Variants in NELFA observed in about 807,000 individuals in gnomAD.
The protein encoded by NELFA is negative elongation factor complex member A.
NELFA carries 35 observed loss-of-function variants against 51.8 expected under a neutral mutation model. That is an observed-to-expected ratio of 0.68 (90% CI 0.52 to 0.90). The LOEUF is 0.90. Ranked by LOEUF, NELFA falls within the 40% of genes least tolerant of loss-of-function variation. The probability of loss-of-function intolerance (pLI) is 0.00; values close to 1 mark genes in which losing one functional copy is unlikely to be tolerated. For missense variants in NELFA, 658 were observed against 746.4 expected, an observed-to-expected ratio of 0.88 and a Z score of 1.38; for synonymous variants, 417 against 338.4, an observed-to-expected ratio of 1.23 and a Z score of -2.55.
At chr4:1,990,802 A>T (rs1037155930) in intron 2 of NELFA, among the ~76,000 whole-genome samples, 5 of 152,094 alleles carry the variant, frequency 3.3e-5, no homozygotes, top group Non-Finnish European at 5.9e-5. Context: ...CCATCTACAA[A>T]TAGTTGTTTC....
intron 1 of NELFA, among the ~76,000 whole-genome samples, chr4:2,003,341 C>G (rs987238982): frequency 6.6e-6 from 1 of 152,162 alleles, no homozygotes. Flanking sequence ...GGATCTAACA[C>G]CAGAAATACC....
chr4:1,988,453 G>C (rs554523243), intron 3 of NELFA, among the ~76,000 whole-genome samples: 11 of 152,380 alleles, frequency 7.2e-5, no homozygotes, highest in African/African-American at 2.4e-4. Context: ...GGGACACCGA[G>C]TGCCCAAAGC....
intron 1 of NELFA, among the ~76,000 whole-genome samples, chr4:2,003,142 G>A (rs1400762806): frequency 6.6e-6 from 1 of 152,160 alleles, no homozygotes; most frequent in Non-Finnish European, 1.5e-5. Flanking sequence ...CTACGTCACT[G>A]ATCATCAGAG....
chr4:1,990,354 A>G (rs777398885), intron 2 of NELFA: 11 of 456,802 alleles, frequency 2.4e-5, no homozygotes, highest in Non-Finnish European at 3.5e-5. Context: ...CCCACGGTTC[A>G]GATCCCAGAA....
rs1462080844 is a variant in NELFA at position 1,987,980 on chromosome 4, C to T, written c.572G>A (p.Arg191Gln). The change falls in exon 4 of 11, where the codon CGG becomes CAG. Residue 191 changes from arginine to glutamine, a missense_variant. Transcript: ENST00000382882. Reference protein sequence around the residue: ...KSTETAQQLKRSAGVPFHAKG... With the variant: ...KSTETAQQLKQSAGVPFHAKG... The stretch of plus-strand genomic sequence containing the variant: ...GGCGTGGAAGGGCACCCCGGCGCTC[C>T]GCTTCAACTGCTGGGCGGTCTCCGT... 20 of 1,611,094 alleles carry T rather than the reference C, an allele frequency of 1.2e-5. No individual in the cohort carries two copies. Among genetic ancestry groups the T allele is most frequent in the Non-Finnish European group, 1.6e-5 (19 of 1,179,762 alleles).
At chr4:1,993,363 C>T (rs371152589) in intron 1 of NELFA, among the ~76,000 whole-genome samples, 11 of 152,078 alleles carry the variant, frequency 7.2e-5, no homozygotes, top group African/African-American at 2.2e-4. Context: ...GGGCGGCTCA[C>T]GAGGTCAGGA....
intron 7 of NELFA, among the ~76,000 whole-genome samples, chr4:1,985,142 G>A (rs1318624351): frequency 6.6e-6 from 1 of 152,174 alleles, no homozygotes; most frequent in Non-Finnish European, 1.5e-5. Context: ...TAGGAGAGGG[G>A]AGGGGTTGAG....
At position 1,985,832 on chromosome 4, in the gene NELFA, C is replaced by G. The variant is rs531255374; in HGVS notation, c.868G>C (p.Glu290Gln). 13 of 1,613,372 alleles carry G rather than the reference C, an allele frequency of 8.1e-6. No homozygotes were observed. The South Asian group carries it at 8.8e-5, about 11-fold the overall frequency. ...AEVVEKPAKEETVVENATPDY... is the reference protein window; with the variant it reads ...AEVVEKPAKEQTVVENATPDY... ...GGGGTGGCGTTCTCCACCACCGTTT[C>G]CTCCTTGGCCGGCTTCTCCACCACC... Residue 290 changes from glutamate to glutamine, a missense_variant, in exon 7 of 11, where the codon GAA becomes CAA. By Grantham distance (29) the Glu-to-Gln change is conservative (BLOSUM62 2). This residue lies in a region of NELFA where 371 missense variants were observed against 448.3 expected (regional missense o/e 0.83). Transcript: ENST00000382882.
At position 1,989,611 on chromosome 4, in the gene NELFA, C is replaced by A; in HGVS notation, c.544+97G>T. ...GTGAGCCACCATGCCTGGCCCAGAA[C>A]GCCACCTTGAAGGGGCAGTCTTGGT... On this transcript the variant is annotated intron_variant, in intron 3 of 10. Coordinates refer to ENST00000382882, the MANE Select transcript of NELFA (RefSeq NM_005663.5). The surrounding 1 kb of genome is among the most constrained non-coding windows in gnomAD (Gnocchi z 4.8). 1 of 1,362,018 alleles carries A rather than the reference C, an allele frequency of 7.3e-7. No individual in the cohort carries two copies. Among genetic ancestry groups the A allele is most frequent in the East Asian group, 2.3e-5 (1 of 42,998 alleles). The allele number at this position is 1,362,018 out of a possible 1,614,324, so 84.4% of individuals were successfully genotyped here. A position where few individuals can be genotyped will look rare whatever the true frequency, so the allele number is the denominator to read the frequency against.
chr4:1,986,192 A>G lies in NELFA; in HGVS notation c.766-9T>C, dbSNP rs1226347261. On this transcript the variant is annotated splice_polypyrimidine_tract_variant and intron_variant, in intron 5 of 10. Coordinates refer to ENST00000382882, the MANE Select transcript of NELFA (RefSeq NM_005663.5). ...TCAGAGATGTCCAGCAGCTGCCAAG[A>G]CAAGCACAGCCCTGCCTTAGTGACG... 6.4e-7 allele frequency: 1 copy of G among 1,560,092 alleles called. No individual in the cohort carries two copies. Among genetic ancestry groups the G allele is most frequent in the Non-Finnish European group, 8.7e-7 (1 of 1,151,878 alleles).
Position 1,983,950 on chromosome 4 carries a change from AG to A in NELFA, c.1199del (p.Pro400LeufsTer78). 3 of 1,611,340 alleles carry A rather than the reference AG, an allele frequency of 1.9e-6. No individual in the cohort carries two copies. The highest frequency in any genetic ancestry group is 2.5e-6 in the Non-Finnish European group (3 of 1,179,316). ...TCTGAGTGGTAGGGGCGACAGCCGG[AG>A]GTGTGGTGGGTGTCAGAGGCGAGGT... ...APTSPLTPTT[P>X]PAVAPTTQTP... On this transcript the variant is annotated frameshift_variant, in exon 9 of 11. Coordinates refer to ENST00000382882, the MANE Select transcript of NELFA (RefSeq NM_005663.5). LOFTEE classifies it high-confidence loss of function.
intron 1 of NELFA, among the ~76,000 whole-genome samples, chr4:1,993,499 A>G (rs1357944250): frequency 2.0e-5 from 3 of 151,626 alleles, no homozygotes; most frequent in Non-Finnish European, 4.4e-5. Flanking sequence ...GAATCGCTTG[A>G]ACCCAGGAGG....
At chr4:1,995,080 G>A (rs113072023) in intron 1 of NELFA, among the ~76,000 whole-genome samples, 2,797 of 152,278 alleles carry the variant, frequency 0.018, 47 homozygotes, top group Non-Finnish European at 0.03. Flanking sequence ...TGAGTGAGGC[G>A]AGGGCCCTCC....
chr4:1,989,102 C>A lies in NELFA; in HGVS notation c.544+606G>T, dbSNP rs1368225937. ...CTGGGATTACAGGCATGCACCACCA[C>A]AGCCAGCTAATTTTTGTATTTTTAG... On this transcript the variant is annotated intron_variant, in intron 3 of 10. Transcript: ENST00000382882. The surrounding 1 kb of genome is among the most constrained non-coding windows in gnomAD (Gnocchi z 4.8). Among the ~76,000 whole-genome samples the A allele has an allele frequency of 1.3e-5, 2 of 151,950 alleles. No individual in the cohort carries two copies. Among genetic ancestry groups the A allele is most frequent in the East Asian group, 3.9e-4 (2 of 5,164 alleles).
chr4:1,985,042 G>A lies in NELFA; in HGVS notation c.925-123C>T, dbSNP rs533852922. On this transcript the variant is annotated intron_variant, in intron 7 of 10. Transcript: ENST00000382882. ...GCCCCCCGAGCTAGAGCAGGAAGGC[G>A]GGGGCCACTCTCCCGAGCTCCCTGG... The A allele has an allele frequency of 5.2e-4, 355 of 685,678 alleles. 1 individual carries two copies. The highest frequency in any genetic ancestry group is 1.9e-3 in the Middle Eastern group (6 of 3,174). 42.5% of individuals were successfully genotyped at this position (685,678 alleles called of 1,614,324 possible).
At chr4:1,988,696 C>A (rs1728185296) in intron 3 of NELFA, among the ~76,000 whole-genome samples, 1 of 152,176 alleles carries the variant, frequency 6.6e-6, no homozygotes, top group Admixed American at 6.5e-5. Context: ...CATAACCATT[C>A]AAAATAAAAC....
chr4:1,991,762 C>A (rs1185737174), intron 1 of NELFA, 47 bp from the exon 2 acceptor site: 6 of 1,535,768 alleles, frequency 3.9e-6, no homozygotes, highest in Non-Finnish European at 5.2e-6. Context: ...TGCCCACTTC[C>A]AAGCCCACTC....
Position 2,008,795 on chromosome 4 carries a change from C to T in NELFA, c.165G>A (p.Lys55=), listed in dbSNP as rs771980708. ...GGAGGTGCAGCGTCCCGAGTAGCAACTTGAGCTTCACTGCCGACGAGAGGC... is the reference window on the plus strand; with the variant it reads ...GGAGGTGCAGCGTCCCGAGTAGCAATTTGAGCTTCACTGCCGACGAGAGGC... ...FHGLSSAVKL[K]LLLGTLHLPR... The change falls in exon 1 of 11, where the codon AAG becomes AAA. Residue 55 remains lysine (K), a synonymous_variant. Transcript: ENST00000382882. 6.2e-7 allele frequency: 1 copy of T among 1,612,846 alleles called. No individual in the cohort carries two copies. The highest frequency in any genetic ancestry group is 8.5e-7 in the Non-Finnish European group (1 of 1,179,630).
chr4:2,001,841 T>G (rs1033225893), intron 1 of NELFA, among the ~76,000 whole-genome samples: 13 of 151,012 alleles, frequency 8.6e-5, no homozygotes, highest in East Asian at 5.8e-4. Flanking sequence ...AGGCGGAGGT[T>G]GCAGTGAGCC....
Sources: gnomAD v4.1 joint callset for allele counts (sites outside exome capture counted in the v4.1 genomes callset) on GRCh38, gnomAD v4.1.1 for gene constraint, gnomAD v4.1.1 regional missense constraint, Gnocchi (gnomAD v3.1) non-coding constraint, MANE v1.5 for transcripts, NCBI Gene and HGNC (gene_info 2026-07-23, HGNC 2026-07-21) for gene names.